Variants in RABGAP1L observed in about 807,000 individuals in gnomAD.
RABGAP1L encodes RAB GTPase activating protein 1 like, also known as rab GTPase-activating protein 1-like.
Under a neutral mutation model 137.7 loss-of-function variants are expected in RABGAP1L, and 63 were observed. The observed-to-expected ratio is 0.46, with a 90% CI of 0.37 to 0.56. The LOEUF (loss-of-function observed/expected upper bound fraction) is 0.56. Ranked by LOEUF, RABGAP1L falls within the 20% of genes least tolerant of loss-of-function variation. The probability of loss-of-function intolerance (pLI) is 0.00; values close to 1 mark genes in which losing one functional copy is unlikely to be tolerated. For synonymous variants in RABGAP1L, 431 were observed against 433.7 expected (o/e 0.99, Z 0.08); for missense variants, 1,095 against 1,244.0 (o/e 0.88, Z 1.80).
At chr1:174,409,698 G>T (rs116422722) in intron 13 of RABGAP1L, among the ~76,000 whole-genome samples, 9,031 of 152,116 alleles carry the variant, frequency 0.059, 947 homozygotes, top group African/African-American at 0.21. Context: ...ATGCATTCCT[G>T]GGGAGGGGTC....
chr1:174,785,126 G>A (rs190504975), intron 18 of RABGAP1L, among the ~76,000 whole-genome samples: 71 of 152,224 alleles, frequency 4.7e-4, no homozygotes, highest in African/African-American at 1.5e-3. Context: ...GTACAATGGC[G>A]CAATCTCGGC....
chr1:174,402,428 C>T (rs923570246), intron 13 of RABGAP1L, among the ~76,000 whole-genome samples: 1 of 152,030 alleles, frequency 6.6e-6, no homozygotes, highest in Non-Finnish European at 1.5e-5. Flanking sequence ...ATTTATAATT[C>T]AGAAACTATT....
At chr1:174,502,078 AATTAT>A (rs1427743326) in intron 13 of RABGAP1L, among the ~76,000 whole-genome samples, 2 of 151,682 alleles carry the variant, frequency 1.3e-5, no homozygotes, top group African/African-American at 4.8e-5. Context: ...ATAAATAGAA[AATTAT>A]ATTAATTATA....
chr1:174,663,365 A>G (rs1368591950), intron 14 of RABGAP1L, among the ~76,000 whole-genome samples: 1 of 152,334 alleles, frequency 6.6e-6, no homozygotes, highest in African/African-American at 2.4e-5. Context: ...AGAATTGCCT[A>G]CTATTCAGTC....
At chr1:174,429,241 A>AGTC (rs1183799946) in intron 13 of RABGAP1L, among the ~76,000 whole-genome samples, 3 of 152,248 alleles carry the variant, frequency 2.0e-5, no homozygotes, top group Non-Finnish European at 2.9e-5. Flanking sequence ...GGCCATCACT[A>AGTC]GTCGTCTTCT....
intron 13 of RABGAP1L, among the ~76,000 whole-genome samples, chr1:174,472,637 A>G (rs1368439065): frequency 6.6e-6 from 1 of 152,182 alleles, no homozygotes; most frequent in Non-Finnish European, 1.5e-5. Context: ...TCAAGTATCA[A>G]GTTGTGAAAG....
intron 19 of RABGAP1L, among the ~76,000 whole-genome samples, chr1:174,925,141 G>A (rs1341467202): frequency 6.6e-6 from 1 of 151,974 alleles, no homozygotes; most frequent in East Asian, 1.9e-4. Flanking sequence ...TGAGGCGGGC[G>A]TATCACAAGG....
chr1:174,841,025 CAGAAACTACAGA>C (rs143094032), intron 19 of RABGAP1L, among the ~76,000 whole-genome samples: 19 of 152,066 alleles, frequency 1.2e-4, no homozygotes, highest in African/African-American at 4.6e-4. Context: ...ATCCATAAAG[CAGAAACTACAGA>C]AAATATAAAG....
intron 13 of RABGAP1L, among the ~76,000 whole-genome samples, chr1:174,586,681 T>TCC (rs1432983031): frequency 2.0e-5 from 3 of 152,156 alleles, no homozygotes; most frequent in African/African-American, 7.2e-5. Flanking sequence ...CACTGCAACC[T>TCC]CCACCTCCCG....
At position 174,957,491 on chromosome 1, in the gene RABGAP1L, A is replaced by T. The variant is rs747979927; in HGVS notation, c.2375A>T (p.Glu792Val). The T allele has an allele frequency of 3.7e-6, 6 of 1,613,638 alleles. No homozygotes were observed. The African/African-American group carries it at 6.7e-5, about 18-fold the overall frequency. The change falls in exon 20 of 26, where the codon GAA (glutamate) becomes GTA (valine). Residue 792 changes from glutamate (E) to valine (V), a missense_variant. Glu to Val is a moderately radical substitution (Grantham distance 121, BLOSUM62 -2). Coordinates refer to ENST00000681986, the MANE Select transcript of RABGAP1L (RefSeq NM_001366446.1). ...PTKKLKKYEK[E>V]YQTMRESQLQ... ...AAGAAGCTGAAGAAATATGAGAAAG[A>T]ATATCAGACAATGCGAGAGAGTCAG...
At chr1:174,517,717 A>G (rs753419272) in intron 13 of RABGAP1L, among the ~76,000 whole-genome samples, 9 of 152,186 alleles carry the variant, frequency 5.9e-5, no homozygotes, top group African/African-American at 9.6e-5. Flanking sequence ...TCACTAAGCA[A>G]TGTGTTCCAC....
At position 174,915,251 on chromosome 1, in the gene RABGAP1L, A is replaced by G. The variant is rs138010517; in HGVS notation, c.2341-42206A>G. ...TTAACTTTTAAGAAATTGCCATACT[A>G]TTTTCCAAAGTGGCTATAACATTTT... On this transcript the variant is annotated intron_variant, in intron 19 of 25. Transcript: ENST00000681986. Among the ~76,000 whole-genome samples the G allele has an allele frequency of 7.2e-5, 11 of 152,244 alleles. No individual in the cohort carries two copies. The East Asian group carries it at 2.1e-3, about 29-fold the overall frequency.
intron 19 of RABGAP1L, among the ~76,000 whole-genome samples, chr1:174,917,205 A>G (rs899528459): frequency 1.3e-5 from 2 of 152,212 alleles, no homozygotes; most frequent in African/African-American, 2.4e-5. Context: ...GGGCTTCAGT[A>G]TCTCAGTGTG....
chr1:174,222,378 A>T (rs1346578534), intron 3 of RABGAP1L, among the ~76,000 whole-genome samples: 2 of 152,194 alleles, frequency 1.3e-5, no homozygotes, highest in South Asian at 4.1e-4. Flanking sequence ...AAACTGTTAC[A>T]CAATAGGGCT....
chr1:174,571,289 C>A (rs1213177057), intron 13 of RABGAP1L, among the ~76,000 whole-genome samples: 2 of 151,758 alleles, frequency 1.3e-5, no homozygotes, highest in Non-Finnish European at 2.9e-5. Context: ...TTTTGGGAGG[C>A]AGGGTTGCAG....
intron 1 of RABGAP1L, among the ~76,000 whole-genome samples, chr1:174,174,142 TAAC>T (rs976521181): frequency 2.7e-5 from 4 of 150,720 alleles, no homozygotes; most frequent in East Asian, 2.0e-4. Context: ...AACATACTGA[TAAC>T]AAGACAGATT....
At chr1:174,833,466 A>ATATATATATATATATATATATATACAT (rs71117580) in intron 19 of RABGAP1L, among the ~76,000 whole-genome samples, 3 of 61,120 alleles carry the variant, frequency 4.9e-5, no homozygotes, top group East Asian at 7.7e-4. Flanking sequence ...ATATATATAT[A>ATATATATATATATATATATATATACAT]TAGTAGAGAC....
chr1:174,468,513 C>A (rs1229141811), intron 13 of RABGAP1L, among the ~76,000 whole-genome samples: 1 of 152,142 alleles, frequency 6.6e-6, no homozygotes, highest in Non-Finnish European at 1.5e-5. Flanking sequence ...AGTTATTATG[C>A]ACTTCAAATT....
intron 10 of RABGAP1L, among the ~76,000 whole-genome samples, chr1:174,280,048 G>GGAGGGAGAGA (rs1476116577): frequency 4.6e-3 from 582 of 125,296 alleles, no homozygotes; most frequent in Non-Finnish European, 7.3e-3. Flanking sequence ...CTGTCTGCCT[G>GGAGGGAGAGA]GAGAGAGAGA....
Sources: gnomAD v4.1 joint callset for allele counts (sites outside exome capture counted in the v4.1 genomes callset) on GRCh38, gnomAD v4.1.1 for gene constraint, MANE v1.5 for transcripts, NCBI Gene and HGNC (gene_info 2026-07-23, HGNC 2026-07-21) for gene names.